DMD: variants seen among roughly 807,000 people sequenced by gnomAD.
DMD encodes the protein dystrophin, also known as mutant dystrophin.
Under a neutral mutation model 330.1 loss-of-function variants are expected in DMD, and 63 were observed. The observed-to-expected ratio is 0.19, with a 90% CI of 0.16 to 0.24. The LOEUF (loss-of-function observed/expected upper bound fraction) is 0.24, where lower values mean the gene tolerates loss of function less well. Among genes scored for constraint, DMD ranks in the 10% least tolerant of loss-of-function variants. The pLI is 1.00. For synonymous variants in DMD, 1,223 were observed against 959.8 expected (o/e 1.27, Z -5.07); for missense variants, 3,344 against 2,684.1 (o/e 1.25, Z -5.43).
At chrX:32,749,121 C>T (rs1323259614) in intron 7 of DMD, among the ~76,000 whole-genome samples, 5 of 112,033 alleles carry the variant, frequency 4.5e-5, no homozygotes, top group Non-Finnish European at 9.4e-5. Flanking sequence ...ACCAAATTTA[C>T]TAGACTGATT....
rs1406628700 is a variant in DMD, at chrX:32,325,830, G to A, written c.5923-15554C>T. Reference sequence around the variant, plus strand: ...TTTTTTTTTTTTTTTTTGAGACGGAGTCTCGCTCTGTTGCCCAGGCTGGAG... The same window carrying A: ...TTTTTTTTTTTTTTTTTGAGACGGAATCTCGCTCTGTTGCCCAGGCTGGAG... On this transcript the variant is annotated intron_variant, in intron 41 of 78. Coordinates refer to ENST00000357033, the MANE Select transcript of DMD (RefSeq NM_004006.3). Among the ~76,000 whole-genome samples the A allele has an allele frequency of 3.0e-5, 3 of 99,353 alleles. No homozygotes were observed. The East Asian group carries it at 9.2e-4, about 30-fold the overall frequency. 86.3% of individuals were successfully genotyped at this position (99,353 alleles called of 115,157 possible).
At chrX:32,656,691 A>G (rs1307523081) in intron 9 of DMD, among the ~76,000 whole-genome samples, 3 of 112,019 alleles carry the variant, frequency 2.7e-5, no homozygotes, top group East Asian at 5.6e-4. Flanking sequence ...TTCAAGTCAC[A>G]TACCTTTAGA....
intron 60 of DMD, among the ~76,000 whole-genome samples, chrX:31,423,708 G>A (rs374233006): frequency 9.0e-6 from 1 of 111,099 alleles, no homozygotes; most frequent in East Asian, 2.8e-4. Flanking sequence ...TGGAGACAGC[G>A]CTGCATCTCC....
intron 16 of DMD, among the ~76,000 whole-genome samples, chrX:32,559,141 T>A (rs1221285242): frequency 1.8e-5 from 2 of 108,470 alleles, no homozygotes; most frequent in East Asian, 5.8e-4. Flanking sequence ...TTAGTAAAGA[T>A]GGGGTTTCAC....
At chrX:32,008,363 A>C (rs1244512800) in intron 44 of DMD, among the ~76,000 whole-genome samples, 1 of 112,208 alleles carries the variant, frequency 8.9e-6, no homozygotes, top group Non-Finnish European at 1.9e-5. Flanking sequence ...ATTTTGTGCC[A>C]AATCTTGTTG....
In DMD at chrX:32,389,685, A is replaced by C. The variant is rs1372704685; in HGVS notation, c.4345-11T>G. 8.3e-7 allele frequency: 1 copy of C among 1,205,785 alleles called. No homozygotes were observed. The highest frequency in any genetic ancestry group is 1.1e-6 in the Non-Finnish European group (1 of 891,269). On this transcript the variant is annotated splice_polypyrimidine_tract_variant and intron_variant, in intron 31 of 78. Transcript: ENST00000357033. ...ATCTTGTAATTTTTTCTGTAAGGAC[A>C]GTGTAAAAAGGCACTGATTTAATTT...
At chrX:31,511,872 TG>T (rs1320512533) in intron 55 of DMD, among the ~76,000 whole-genome samples, 93 of 103,962 alleles carry the variant, frequency 8.9e-4, no homozygotes, top group African/African-American at 3.2e-3. Flanking sequence ...CTGGGTCAAA[TG>T]GTATTTCTAG....
At chrX:32,132,993 C>CTTTTTTTTTTTTTT (rs377615262) in intron 44 of DMD, among the ~76,000 whole-genome samples, 20 of 75,963 alleles carry the variant, frequency 2.6e-4, no homozygotes, top group African/African-American at 4.8e-4. Flanking sequence ...CTTTTCTTTT[C>CTTTTTTTTTTTTTT]TTTTTTTTTT....
intron 7 of DMD, among the ~76,000 whole-genome samples, chrX:32,758,016 T>TCTA (rs1159194908): frequency 9.0e-6 from 1 of 111,721 alleles, no homozygotes; most frequent in Admixed American, 9.5e-5. Flanking sequence ...TGAGGACAGT[T>TCTA]CTATAAGGTT....
At chrX:32,241,177 G>A (rs891060445) in intron 43 of DMD, among the ~76,000 whole-genome samples, 12 of 112,029 alleles carry the variant, frequency 1.1e-4, no homozygotes, top group Non-Finnish European at 1.5e-4. Flanking sequence ...TCTATTGGAG[G>A]TCCATGTTCA....
intron 7 of DMD, among the ~76,000 whole-genome samples, chrX:32,727,567 C>T (rs1231617830): frequency 4.5e-5 from 5 of 110,215 alleles, no homozygotes; most frequent in Non-Finnish European, 9.5e-5. Context: ...AAATACTTGA[C>T]GTTCCTATGC....
chrX:31,831,273 A>G (rs1349995163), intron 49 of DMD, among the ~76,000 whole-genome samples: 4 of 112,561 alleles, frequency 3.6e-5, no homozygotes, highest in East Asian at 2.8e-4. Flanking sequence ...CTACAATTCT[A>G]GAATATACAT....
intron 62 of DMD, among the ~76,000 whole-genome samples, chrX:31,281,068 A>T (rs1484116729): frequency 8.9e-6 from 1 of 112,178 alleles, no homozygotes; most frequent in Non-Finnish European, 1.9e-5. Context: ...AGTAGTAATG[A>T]ATGGGCAAAA....
At chrX:32,809,096 A>G (rs1400514507) in intron 7 of DMD, among the ~76,000 whole-genome samples, 2 of 112,103 alleles carry the variant, frequency 1.8e-5, no homozygotes, top group African/African-American at 6.5e-5. Flanking sequence ...GTTGCCTTTT[A>G]TAGAGTATAT....
chrX:31,175,886 A>C (rs1291899885), intron 71 of DMD, among the ~76,000 whole-genome samples: 1 of 111,530 alleles, frequency 9.0e-6, no homozygotes, highest in Non-Finnish European at 1.9e-5. Context: ...AGACAACGTA[A>C]AGGCCTATGT....
At chrX:31,247,600 C>CA (rs61281481) in intron 63 of DMD, among the ~76,000 whole-genome samples, 1,516 of 74,235 alleles carry the variant, frequency 0.02, 38 homozygotes, top group African/African-American at 0.064. Context: ...GACTGTGTCT[C>CA]AAAAAAAAAA....
chrX:31,787,840 C>T (rs1292199629), intron 50 of DMD, among the ~76,000 whole-genome samples: 3 of 111,617 alleles, frequency 2.7e-5, no homozygotes, highest in South Asian at 3.7e-4. Flanking sequence ...CCATACTATG[C>T]CCAGAAGTGC....
intron 16 of DMD, among the ~76,000 whole-genome samples, chrX:32,561,051 G>T (rs1365843078): frequency 1.8e-5 from 2 of 111,741 alleles, no homozygotes; most frequent in Admixed American, 9.5e-5. Context: ...CCCACCAACA[G>T]TGTAAAAGCA....
intron 44 of DMD, among the ~76,000 whole-genome samples, chrX:32,159,753 C>A (rs1439739685): frequency 5.4e-5 from 6 of 111,463 alleles, no homozygotes; most frequent in African/African-American, 2.0e-4. Flanking sequence ...GGGGAAAGAG[C>A]GAGAGAGAAA....
Sources: gnomAD v4.1 joint callset for allele counts (sites outside exome capture counted in the v4.1 genomes callset) on GRCh38, gnomAD v4.1.1 for gene constraint, MANE v1.5 for transcripts, NCBI Gene and HGNC (gene_info 2026-07-23, HGNC 2026-07-21) for gene names.